Variants in CCDC124 observed in about 807,000 individuals in gnomAD.
The protein encoded by CCDC124 is coiled-coil domain-containing protein 124.
CCDC124 carries 9 observed loss-of-function variants against 19.8 expected under a neutral mutation model. The observed-to-expected ratio is 0.45, with a 90% CI of 0.27 to 0.79. The LOEUF (loss-of-function observed/expected upper bound fraction) is 0.79, where lower values mean the gene tolerates loss of function less well. Ranked by LOEUF, CCDC124 falls within the 30% of genes least tolerant of loss-of-function variation. The pLI is 0.14. For missense variants in CCDC124, 285 were observed against 319.0 expected (o/e 0.89, Z 0.81); for synonymous variants, 126 against 131.3 (o/e 0.96, Z 0.27).
intron 1 of CCDC124, among the ~76,000 whole-genome samples, chr19:17,933,942 C>T (rs1162002478): frequency 6.6e-6 from 1 of 152,208 alleles, no homozygotes; most frequent in Non-Finnish European, 1.5e-5. Context: ...ATGACGTGTG[C>T]AAGTGAGTGA....
chr19:17,943,810 TCCGGGGG>T lies in CCDC124; in HGVS notation c.*98_*104del. The T allele has an allele frequency of 2.3e-6, 3 of 1,281,610 alleles. No individual in the cohort carries two copies. Among genetic ancestry groups the T allele is most frequent in the Non-Finnish European group, 3.3e-6 (3 of 917,426 alleles). The allele number at this position is 1,281,610 out of a possible 1,614,324, so 79.4% of individuals were successfully genotyped here. A position where few individuals can be genotyped will look rare whatever the true frequency, so the allele number is the denominator to read the frequency against. ...GTCAGCTGCGAGGGTCACAGAGCGTTCCGGGGGCCAAGGCGCCGGGCCCCGGGGCCAT... is the reference window on the plus strand; with the variant it reads ...GTCAGCTGCGAGGGTCACAGAGCGTTCCAAGGCGCCGGGCCCCGGGGCCAT... On this transcript the variant is annotated 3_prime_UTR_variant, in exon 5 of 5. Transcript: ENST00000445755.
Position 17,943,778 on chromosome 19 carries a change from A to G in CCDC124, c.*63A>G. The G allele has an allele frequency of 6.6e-7, 1 of 1,509,084 alleles. No individual in the cohort carries two copies. Among genetic ancestry groups the G allele is most frequent in the Non-Finnish European group, 9.1e-7 (1 of 1,100,204 alleles). 93.5% of individuals were successfully genotyped at this position (1,509,084 alleles called of 1,614,324 possible). On this transcript the variant is annotated 3_prime_UTR_variant, in exon 5 of 5. Transcript: ENST00000445755. ...CCAGGTCACGACTCTGCACGCCCTTAGGCCAGGTCAGCTGCGAGGGTCACA... is the reference window on the plus strand; with the variant it reads ...CCAGGTCACGACTCTGCACGCCCTTGGGCCAGGTCAGCTGCGAGGGTCACA...
At chr19:17,939,132 C>G (rs966191872) in intron 2 of CCDC124, among the ~76,000 whole-genome samples, 4 of 152,162 alleles carry the variant, frequency 2.6e-5, no homozygotes, top group African/African-American at 9.7e-5. Flanking sequence ...CGGTGGCTCA[C>G]GCCTGTCATC....
At chr19:17,936,974 CAAAAAAAAAA>C (rs966946763) in intron 2 of CCDC124, 1 of 38,752 alleles carries the variant, frequency 2.6e-5, no homozygotes, top group African/African-American at 9.6e-5. Flanking sequence ...GATTCCATCT[CAAAAAAAAAA>C]AAAAAAAAAA....
In CCDC124 at chr19:17,943,814, G is replaced by A; in HGVS notation, c.*99G>A. 1.6e-6 allele frequency: 2 copies of A among 1,262,552 alleles called. No homozygotes were observed. Among genetic ancestry groups the A allele is most frequent in the African/African-American group, 1.5e-5 (1 of 66,918 alleles). The allele number at this position is 1,262,552 out of a possible 1,614,324, so 78.2% of individuals were successfully genotyped here. On this transcript the variant is annotated 3_prime_UTR_variant, in exon 5 of 5. Transcript: ENST00000445755. ...GCTGCGAGGGTCACAGAGCGTTCCGGGGGCCAAGGCGCCGGGCCCCGGGGC... is the reference window on the plus strand; with the variant it reads ...GCTGCGAGGGTCACAGAGCGTTCCGAGGGCCAAGGCGCCGGGCCCCGGGGC...
chr19:17,940,709 C>T (rs1286388508), intron 2 of CCDC124, among the ~76,000 whole-genome samples: 1 of 145,712 alleles, frequency 6.9e-6, no homozygotes, highest in Non-Finnish European at 1.5e-5. Context: ...GAGGTTGCAC[C>T]ATTGTACTCC....
rs1480910558 is a variant in CCDC124, at chr19:17,943,903, TCCCCTCCCATC to T, written c.*193_*203del. 1.7e-6 allele frequency: 1 copy of T among 605,438 alleles called. No homozygotes were observed. The highest frequency in any genetic ancestry group is 1.9e-5 in the African/African-American group (1 of 53,792). 37.5% of individuals were successfully genotyped at this position (605,438 alleles called of 1,614,324 possible). On this transcript the variant is annotated 3_prime_UTR_variant, in exon 5 of 5. Coordinates refer to ENST00000445755, the MANE Select transcript of CCDC124 (RefSeq NM_001136203.2). ...GGTCCCTGCCCCGAGTGACACCCCA[TCCCCTCCCATC>T]CCCCGGCGCGTGTGTGTAGAGCCTC...
Position 17,943,725 on chromosome 19 carries a change from T to G in CCDC124, c.*10T>G, listed in dbSNP as rs753501844. 1.9e-5 allele frequency: 30 copies of G among 1,610,946 alleles called. No individual in the cohort carries two copies. The highest frequency in any genetic ancestry group is 2.5e-5 in the Non-Finnish European group (29 of 1,178,980). On this transcript the variant is annotated 3_prime_UTR_variant, in exon 5 of 5. Coordinates refer to ENST00000445755, the MANE Select transcript of CCDC124 (RefSeq NM_001136203.2). Reference sequence around the variant, plus strand: ...CAATGCCCCCAAGTGAGCCCAGAACTTGGGGAGCCAGTTCACCCACGGGTG... The same window carrying G: ...CAATGCCCCCAAGTGAGCCCAGAACGTGGGGAGCCAGTTCACCCACGGGTG...
At chr19:17,941,120 G>A (rs1568439027) in intron 2 of CCDC124, among the ~76,000 whole-genome samples, 1 of 145,836 alleles carries the variant, frequency 6.9e-6, no homozygotes, top group Non-Finnish European at 1.6e-5. Context: ...GCTATAGTTT[G>A]TCAACCCCTG....
chr19:17,936,710 G>A (rs1434082458), intron 2 of CCDC124, 131 bp downstream of exon 2: 17 of 1,175,402 alleles, frequency 1.4e-5, no homozygotes, highest in Non-Finnish European at 2.0e-5. Flanking sequence ...ACCAGGCGCT[G>A]TCGCTCACGC....
intron 2 of CCDC124, 80 bp downstream of exon 2, chr19:17,936,659 C>A (rs1235875967): frequency 4.0e-6 from 6 of 1,490,516 alleles, no homozygotes; most frequent in South Asian, 2.6e-5. Flanking sequence ...GGGTGAATAG[C>A]GAGAGGGCCC....
chr19:17,942,398 T>A lies in CCDC124; in HGVS notation c.160-258T>A, dbSNP rs2031203504. 6.6e-6 allele frequency among the ~76,000 whole-genome samples: 1 copy of A among 152,056 alleles called. No individual in the cohort carries two copies. The highest frequency in any genetic ancestry group is 2.1e-4 in the South Asian group (1 of 4,832). On this transcript the variant is annotated intron_variant, in intron 2 of 4. Coordinates refer to ENST00000445755, the MANE Select transcript of CCDC124 (RefSeq NM_001136203.2). This position sits in a 1 kb window ranked among gnomAD's most constrained non-coding sequence, Gnocchi z 4.2. ...TAAGGACGCTCCTGTTCCCCAGCTC[T>A]CCCCCTTGGCCGGCGCTCTTCGCAC...
intron 1 of CCDC124, among the ~76,000 whole-genome samples, chr19:17,933,733 T>C (rs529638698): frequency 6.6e-6 from 1 of 152,122 alleles, no homozygotes; most frequent in Non-Finnish European, 1.5e-5. Context: ...TCCTTAGATG[T>C]CTCCTTTAGG....
At chr19:17,933,828 G>A (rs191531253) in intron 1 of CCDC124, among the ~76,000 whole-genome samples, 1 of 152,366 alleles carries the variant, frequency 6.6e-6, no homozygotes, top group East Asian at 1.9e-4. Context: ...CTGATTGCAT[G>A]TGTTGGCTCT....
rs2031059564 is a variant in CCDC124 at position 17,936,249 on chromosome 19, A to C, written c.-11-161A>C. On this transcript the variant is annotated intron_variant, in intron 1 of 4. Transcript: ENST00000445755. Reference sequence around the variant, plus strand: ...TCATGATGTGAATTTTGCCTTAATAAACTTTTACAAGGAGAGCGCTAAGTC... The same window carrying C: ...TCATGATGTGAATTTTGCCTTAATACACTTTTACAAGGAGAGCGCTAAGTC... 6.6e-6 allele frequency: 4 copies of C among 604,778 alleles called. No homozygotes were observed. In the South Asian group the frequency reaches 7.8e-5, roughly 12 times the overall value. 37.5% of individuals were successfully genotyped at this position (604,778 alleles called of 1,614,324 possible). A position where few individuals can be genotyped will look rare whatever the true frequency, so the allele number is the denominator to read the frequency against.
intron 2 of CCDC124, among the ~76,000 whole-genome samples, chr19:17,941,654 A>G (rs1412576213): frequency 1.3e-5 from 2 of 152,174 alleles, no homozygotes; most frequent in Non-Finnish European, 2.9e-5. Context: ...GTGCACTCCA[A>G]CAGCCTTGAC....
chr19:17,940,233 G>C (rs1032446489), intron 2 of CCDC124, among the ~76,000 whole-genome samples: 2 of 152,064 alleles, frequency 1.3e-5, no homozygotes, highest in African/African-American at 2.4e-5. Flanking sequence ...TTTGATTAAG[G>C]GACAGCAAAG....
chr19:17,941,741 C>T (rs2031186494), intron 2 of CCDC124, among the ~76,000 whole-genome samples: 1 of 152,098 alleles, frequency 6.6e-6, no homozygotes, highest in African/African-American at 2.4e-5. Flanking sequence ...TAGGTGCGTC[C>T]ACCCCTATTC....
Position 17,942,715 on chromosome 19 carries a change from A to G in CCDC124, c.219A>G (p.Leu73=), listed in dbSNP as rs201985798. 1 of 1,553,194 alleles carries G rather than the reference A, an allele frequency of 6.4e-7. No homozygotes were observed. The highest frequency in any genetic ancestry group is 8.7e-7 in the Non-Finnish European group (1 of 1,148,410). ...AACGTAAGAAGGAGACGCAGCGCCTACTGGAGGAGGAGGACTCCAAGCTCA... is the reference window on the plus strand; with the variant it reads ...AACGTAAGAAGGAGACGCAGCGCCTGCTGGAGGAGGAGGACTCCAAGCTCA... ...QLERKKETQR[L]LEEEDSKLKG... is the part of the protein sequence containing the mutation. The change falls in exon 3 of 5, where the codon CTA becomes CTG. Residue 73 remains leucine (L), a synonymous_variant. Coordinates refer to ENST00000445755, the MANE Select transcript of CCDC124 (RefSeq NM_001136203.2). This position sits in a 1 kb window ranked among gnomAD's most constrained non-coding sequence, Gnocchi z 4.2.
Sources: gnomAD v4.1 joint callset for allele counts (sites outside exome capture counted in the v4.1 genomes callset) on GRCh38, gnomAD v4.1.1 for gene constraint, Gnocchi (gnomAD v3.1) non-coding constraint, MANE v1.5 for transcripts, NCBI Gene and HGNC (gene_info 2026-07-23, HGNC 2026-07-21) for gene names.